The following SLC6A3 variants were observed in gnomAD, a reference collection of about 807,000 sequenced individuals.
SLC6A3 encodes the protein solute carrier family 6 member 3, also known as sodium-dependent dopamine transporter.
SLC6A3 carries 19 observed loss-of-function variants against 70.4 expected under a neutral mutation model. The observed-to-expected ratio is 0.27, with a 90% confidence interval of 0.19 to 0.40. The LOEUF (loss-of-function observed/expected upper bound fraction) is 0.40, where lower values mean the gene tolerates loss of function less well. SLC6A3 is among the 10% of genes least tolerant of loss of function. The pLI is 1.00. For synonymous variants in SLC6A3, 368 were observed against 356.6 expected, an observed-to-expected ratio of 1.03 and a Z score of -0.36; for missense variants, 613 against 838.5, an observed-to-expected ratio of 0.73 and a Z score of 3.32.
In SLC6A3 at chr5:1,411,188, C is replaced by T. The variant is rs1357393899; in HGVS notation, c.1269+55G>A. On this transcript the variant is annotated intron_variant, in intron 9 of 14. Transcript: ENST00000270349. The surrounding 1 kb of genome is among the most constrained non-coding windows in gnomAD (Gnocchi z 6.5). ...TAGCCCTGGGAGGGCAGGGCCCCCT[C>T]GGGTGGAAGGAACCCAACTGCCGAG... is the stretch of plus-strand genomic sequence containing the variant. The T allele has an allele frequency of 4.5e-5, 57 of 1,275,968 alleles. 1 individual carries two copies. Among genetic ancestry groups the T allele is most frequent in the South Asian group, 1.3e-4 (10 of 78,578 alleles). The allele number at this position is 1,275,968 out of a possible 1,614,324, so 79.0% of individuals were successfully genotyped here.
chr5:1,407,212 C>T (rs765780440), intron 11 of SLC6A3, among the ~76,000 whole-genome samples: 1 of 152,188 alleles, frequency 6.6e-6, no homozygotes, highest in Non-Finnish European at 1.5e-5. Context: ...CTCGTGTGAC[C>T]GCGGCTGATC....
Position 1,406,278 on chromosome 5 carries a change from C to G in SLC6A3, c.1509G>C (p.Gln503His). ...IGVAWFYGVGQFSDDIQQMTG... is the reference protein window; with the variant it reads ...IGVAWFYGVGHFSDDIQQMTG... Reference sequence around the variant, plus strand: ...TCATCTGCTGGATGTCGTCGCTGAACTGCCCAACACCTGAGGGAGAAGAGG... The same window carrying G: ...TCATCTGCTGGATGTCGTCGCTGAAGTGCCCAACACCTGAGGGAGAAGAGG... The change falls in exon 12 of 15, where the codon CAG becomes CAC. Residue 503 changes from glutamine to histidine, a missense_variant. Around this residue, in one of 4 missense-constraint regions of SLC6A3, gnomAD observed 348 missense variants for 481.2 expected, o/e 0.72. Coordinates refer to ENST00000270349, the MANE Select transcript of SLC6A3 (RefSeq NM_001044.5). The surrounding 1 kb of genome is among the most constrained non-coding windows in gnomAD (Gnocchi z 8.8). 6.2e-7 allele frequency: 1 copy of G among 1,612,788 alleles called. No homozygotes were observed. Among genetic ancestry groups the G allele is most frequent in the Non-Finnish European group, 8.5e-7 (1 of 1,179,818 alleles).
chr5:1,445,035 C>G (rs1030049477), intron 1 of SLC6A3, among the ~76,000 whole-genome samples: 2 of 152,194 alleles, frequency 1.3e-5, no homozygotes, highest in Admixed American at 1.3e-4. Flanking sequence ...CCAGGACCCC[C>G]GAGTCACAGC....
intron 4 of SLC6A3, among the ~76,000 whole-genome samples, chr5:1,431,843 C>T (rs1756713832): frequency 1.3e-5 from 2 of 152,256 alleles, no homozygotes; most frequent in East Asian, 3.9e-4. Flanking sequence ...ATGGGATACG[C>T]TGGCATGGGA....
chr5:1,413,964 C>T lies in SLC6A3; in HGVS notation c.1156+727G>A. 6.6e-6 allele frequency among the ~76,000 whole-genome samples: 1 copy of T among 152,176 alleles called. No individual in the cohort carries two copies. The highest frequency in any genetic ancestry group is 1.9e-4 in the East Asian group (1 of 5,192). On this transcript the variant is annotated intron_variant, in intron 8 of 14. Coordinates refer to ENST00000270349, the MANE Select transcript of SLC6A3 (RefSeq NM_001044.5). The surrounding 1 kb of genome is among the most constrained non-coding windows in gnomAD (Gnocchi z 7.1). ...GCCAAGGCCTCCCCCCACCACTCAC[C>T]TGTGCCTGCCCGAGACCTGGACCCC...
rs984354762 is a variant in SLC6A3 at position 1,422,369 on chromosome 5, T to G, written c.654-355A>C. ...CTGAGCAATGCTGGGTGCCCACCACTGCCCAGTGCTGCCCAAGGTGCTGGG... is the reference window on the plus strand; with the variant it reads ...CTGAGCAATGCTGGGTGCCCACCACGGCCCAGTGCTGCCCAAGGTGCTGGG... On this transcript the variant is annotated intron_variant, in intron 4 of 14. Coordinates refer to ENST00000270349, the MANE Select transcript of SLC6A3 (RefSeq NM_001044.5). Among the ~76,000 whole-genome samples, 6 of 145,630 alleles carry G rather than the reference T, an allele frequency of 4.1e-5. 1 individual carries two copies. Among genetic ancestry groups the G allele is most frequent in the Non-Finnish European group, 6.1e-5 (4 of 65,644 alleles).
chr5:1,398,729 T>G (rs946402525), intron 14 of SLC6A3, among the ~76,000 whole-genome samples: 1 of 152,176 alleles, frequency 6.6e-6, no homozygotes, highest in Non-Finnish European at 1.5e-5. Flanking sequence ...CCCAGACAAG[T>G]CAGACTTTAA....
intron 4 of SLC6A3, among the ~76,000 whole-genome samples, chr5:1,428,588 C>G (rs1431772297): frequency 6.6e-6 from 1 of 152,186 alleles, no homozygotes; most frequent in Admixed American, 6.5e-5. Context: ...TGCCACCTCC[C>G]TCTGGTGGGT....
In SLC6A3 at chr5:1,404,677, C is replaced by T. The variant is rs973648627; in HGVS notation, c.1599+1511G>A. The stretch of plus-strand genomic sequence containing the variant: ...CGCAGCCTGAAGAAACAGATGATAA[C>T]ACAGACGTTATGTTTCTGCTGAAAT... On this transcript the variant is annotated intron_variant, in intron 12 of 14. Transcript: ENST00000270349. The surrounding 1 kb of genome is among the most constrained non-coding windows in gnomAD (Gnocchi z 5.2). Among the ~76,000 whole-genome samples, 8 of 152,230 alleles carry T rather than the reference C, an allele frequency of 5.3e-5. No homozygotes were observed. The highest frequency in any genetic ancestry group is 1.3e-4 in the Admixed American group (2 of 15,280).
chr5:1,402,595 C>T lies in SLC6A3; in HGVS notation c.1767+327G>A, dbSNP rs566204786. 7.5e-4 allele frequency among the ~76,000 whole-genome samples: 114 copies of T among 152,268 alleles called. 1 individual carries two copies. Among genetic ancestry groups the T allele is most frequent in the African/African-American group, 2.7e-3 (111 of 41,558 alleles). On this transcript the variant is annotated intron_variant, in intron 13 of 14. Transcript: ENST00000270349. This position sits in a 1 kb window ranked among gnomAD's most constrained non-coding sequence, Gnocchi z 8.5. The stretch of plus-strand genomic sequence containing the variant: ...ACCCAGGCCCACACACACGTGCACA[C>T]GGAGACAGCACATACAGACACAGAG...
chr5:1,417,641 G>C (rs1175623280), intron 6 of SLC6A3, among the ~76,000 whole-genome samples: 1 of 152,274 alleles, frequency 6.6e-6, no homozygotes, highest in African/African-American at 2.4e-5. Context: ...CTGCTAAGGT[G>C]AGGGCACTGC....
Position 1,394,562 on chromosome 5 carries a change from C to G in SLC6A3, c.*173G>C. ...GACACGGCGAGGTGCGCTCCCGGCA[C>G]GGAAAGGTGTAAACAGTCAGAAGAG... On this transcript the variant is annotated 3_prime_UTR_variant, in exon 15 of 15. Transcript: ENST00000270349. This position sits in a 1 kb window ranked among gnomAD's most constrained non-coding sequence, Gnocchi z 4.7. 1 of 744,132 alleles carries G rather than the reference C, an allele frequency of 1.3e-6. No individual in the cohort carries two copies. The highest frequency in any genetic ancestry group is 2.4e-6 in the Non-Finnish European group (1 of 411,388). The allele number at this position is 744,132 out of a possible 1,614,324, so 46.1% of individuals were successfully genotyped here.
intron 14 of SLC6A3, among the ~76,000 whole-genome samples, chr5:1,395,067 A>G (rs1018941256): frequency 6.6e-6 from 1 of 152,206 alleles, no homozygotes; most frequent in Admixed American, 6.5e-5. Flanking sequence ...TGAGTCTGAG[A>G]GATGCCGGGC....
At position 1,409,079 on chromosome 5, in the gene SLC6A3, G is replaced by A; in HGVS notation, c.1445C>T (p.Thr482Met). The change falls in exon 11 of 15, where the codon ACG (threonine) becomes ATG (methionine). Residue 482 changes from threonine to methionine, a missense_variant. Coordinates refer to ENST00000270349, the MANE Select transcript of SLC6A3 (RefSeq NM_001044.5). ...FTLLDHFAAG[T>M]SILFGVLIEA... ...GATGAGCACTCCAAAGAGGATGGAC[G>A]TGCCGGCTGCAAAATGGTCCAGGAG... The A allele has an allele frequency of 2.5e-6, 4 of 1,613,030 alleles. No homozygotes were observed. The highest frequency in any genetic ancestry group is 3.4e-6 in the Non-Finnish European group (4 of 1,179,842).
At chr5:1,443,810 A>G (rs965844664) in intron 1 of SLC6A3, among the ~76,000 whole-genome samples, 2 of 152,040 alleles carry the variant, frequency 1.3e-5, no homozygotes, top group Non-Finnish European at 2.9e-5. Context: ...CTGAGACTAC[A>G]GGTGTGCACC....
Position 1,442,118 on chromosome 5 carries a change from G to C in SLC6A3, c.287-628C>G, listed in dbSNP as rs1025056642. ...TCCCTCTGCTCCCCTGGTCTGACTG[G>C]AGTGAGGGAGAGCTTTGCCACTCTC... On this transcript the variant is annotated intron_variant, in intron 2 of 14. Coordinates refer to ENST00000270349, the MANE Select transcript of SLC6A3 (RefSeq NM_001044.5). This position sits in a 1 kb window ranked among gnomAD's most constrained non-coding sequence, Gnocchi z 5.0. Among the ~76,000 whole-genome samples the C allele has an allele frequency of 6.6e-6, 1 of 152,160 alleles. No homozygotes were observed. The highest frequency in any genetic ancestry group is 1.9e-4 in the East Asian group (1 of 5,186).
chr5:1,437,781 T>C lies in SLC6A3; in HGVS notation c.418+3578A>G, dbSNP rs921029028. The stretch of plus-strand genomic sequence containing the variant: ...CAGGCTTCCTGGAGAGCTGGCTTCA[T>C]TCCCCCATGGAATTGCCACCTGCTC... On this transcript the variant is annotated intron_variant, in intron 3 of 14. Coordinates refer to ENST00000270349, the MANE Select transcript of SLC6A3 (RefSeq NM_001044.5). The surrounding 1 kb of genome is among the most constrained non-coding windows in gnomAD (Gnocchi z 4.8). 2.0e-5 allele frequency among the ~76,000 whole-genome samples: 3 copies of C among 152,248 alleles called. No homozygotes were observed. The highest frequency in any genetic ancestry group is 4.4e-5 in the Non-Finnish European group (3 of 68,032).
Position 1,443,098 on chromosome 5 carries a change from C to G in SLC6A3, c.100G>C (p.Val34Leu). The G allele has an allele frequency of 3.1e-6, 5 of 1,614,262 alleles. No individual in the cohort carries two copies. Among genetic ancestry groups the G allele is most frequent in the Non-Finnish European group, 4.2e-6 (5 of 1,180,050 alleles). Reference sequence around the variant, plus strand: ...AGCTGCACTCCGTTCTGCTCCTTGACAAGGATGAGCTCCACCTCCTTCGGG... The same window carrying G: ...AGCTGCACTCCGTTCTGCTCCTTGAGAAGGATGAGCTCCACCTCCTTCGGG... ...VGPKEVELIL[V>L]KEQNGVQLTS... Residue 34 changes from valine to leucine, a missense_variant, in exon 2 of 15, where the codon GTC (valine) becomes CTC (leucine). Physicochemically the swap from Val to Leu is conservative, Grantham distance 32. This residue lies in a region of SLC6A3 where 111 missense variants were observed against 91.6 expected (regional missense o/e 1.21). Transcript: ENST00000270349.
At position 1,437,075 on chromosome 5, in the gene SLC6A3, C is replaced by A. The variant is rs1321103710; in HGVS notation, c.418+4284G>T. 3.3e-5 allele frequency among the ~76,000 whole-genome samples: 5 copies of A among 152,064 alleles called. No individual in the cohort carries two copies. Among genetic ancestry groups the A allele is most frequent in the Non-Finnish European group, 1.5e-5 (1 of 68,014 alleles). On this transcript the variant is annotated intron_variant, in intron 3 of 14. Transcript: ENST00000270349. The surrounding 1 kb of genome is among the most constrained non-coding windows in gnomAD (Gnocchi z 4.8). ...GACCATCCTGGCTAACACGATGAAA[C>A]CCCGTCTCTACTAAAAATACAAAAA...
Sources: allele counts gnomAD v4.1 joint callset (sites outside exome capture counted in the v4.1 genomes callset), GRCh38; gene constraint gnomAD v4.1.1; regional missense constraint gnomAD v4.1.1; non-coding constraint Gnocchi (gnomAD v3.1); transcripts MANE v1.5; gene names NCBI Gene and HGNC (gene_info 2026-07-23, HGNC 2026-07-21).